Variants in POM121C observed in about 807,000 individuals in gnomAD.
The protein encoded by POM121C is nuclear envelope pore membrane protein POM 121C.
A neutral mutation model predicts 66.4 loss-of-function variants in POM121C; 20 were observed. That is an observed-to-expected ratio of 0.30 (90% CI 0.21 to 0.44). The LOEUF (loss-of-function observed/expected upper bound fraction) is 0.44, where lower values mean the gene tolerates loss of function less well. POM121C is among the 20% of genes least tolerant of loss of function. The pLI is 1.00. For missense variants in POM121C, 580 were observed against 1,225.7 expected (o/e 0.47, Z 7.87); for synonymous variants, 286 against 528.0 (o/e 0.54, Z 6.28).
At chr7:75,460,365 G>A (rs1791403787) in intron 3 of POM121C, among the ~76,000 whole-genome samples, 1 of 152,026 alleles carries the variant, frequency 6.6e-6, no homozygotes, top group South Asian at 2.1e-4. Flanking sequence ...AGCCAGGCAT[G>A]GTGGCACATA....
chr7:75,481,379 A>G (rs1466479323), intron 1 of POM121C, among the ~76,000 whole-genome samples: 15 of 152,052 alleles, frequency 9.9e-5, no homozygotes, highest in African/African-American at 3.6e-4. Context: ...AAGAATCACA[A>G]CTTCTATGTA....
At chr7:75,437,406 G>A in intron 7 of POM121C, 109 bp downstream of exon 7, 1 of 1,422,854 alleles carries the variant, frequency 7.0e-7, no homozygotes, top group African/African-American at 1.4e-5. Context: ...CTCCCGCTTT[G>A]GCCTTCCAAA....
intron 1 of POM121C, among the ~76,000 whole-genome samples, chr7:75,484,642 C>T (rs1792440951): frequency 8.8e-6 from 1 of 113,970 alleles, no homozygotes; most frequent in African/African-American, 3.3e-5. Flanking sequence ...GCATTCCAGA[C>T]TGGGTGAGAG....
In POM121C at chr7:75,422,762, G is replaced by A. The variant is rs1408756135; in HGVS notation, c.1490C>T (p.Thr497Met). 396 of 1,085,628 alleles carry A rather than the reference G, an allele frequency of 3.6e-4. 20 individuals carry two copies. The African/African-American group carries it at 5.0e-3, about 14-fold the overall frequency. The allele number at this position is 1,085,628 out of a possible 1,614,324, so 67.2% of individuals were successfully genotyped here. Residue 497 changes from threonine (T) to methionine (M), a missense_variant, in exon 13 of 15, where the codon ACG becomes ATG. Thr to Met is a moderately conservative substitution (Grantham distance 81). Coordinates refer to ENST00000615331, the MANE Select transcript of POM121C (RefSeq NM_001099415.3). Reference protein sequence around the residue: ...ATAPSSSSLPTTTSTTAPTFQ... With the variant: ...ATAPSSSSLPMTTSTTAPTFQ... ...GGTCGGGGCTGTGGTGCTGGTGGTCGTGGGGAGGGAGGAGCTGGAGGGCGC... is the reference window on the plus strand; with the variant it reads ...GGTCGGGGCTGTGGTGCTGGTGGTCATGGGGAGGGAGGAGCTGGAGGGCGC...
intron 3 of POM121C, among the ~76,000 whole-genome samples, chr7:75,466,137 G>A (rs1343336691): frequency 1.3e-5 from 2 of 149,238 alleles, no homozygotes; most frequent in Non-Finnish European, 3.0e-5. Flanking sequence ...AAAAAAAAAC[G>A]TCAAATCCTG....
intron 7 of POM121C, among the ~76,000 whole-genome samples, chr7:75,428,163 C>T (rs1554471927): frequency 1.3e-5 from 2 of 151,016 alleles, no homozygotes; most frequent in East Asian, 1.9e-4. Context: ...TTTTTTGAGA[C>T]GGAGCCTTGC....
chr7:75,459,629 T>A (rs1189831536), intron 3 of POM121C, among the ~76,000 whole-genome samples: 22 of 137,222 alleles, frequency 1.6e-4, no homozygotes, highest in South Asian at 2.3e-4. Flanking sequence ...AAGAAAGAAA[T>A]GAAGAAAAAT....
At chr7:75,438,703 C>T (rs1296676353) in intron 6 of POM121C, among the ~76,000 whole-genome samples, 1 of 152,220 alleles carries the variant, frequency 6.6e-6, no homozygotes, top group Non-Finnish European at 1.5e-5. Flanking sequence ...CTGGTGGCCA[C>T]ATCACACTGC....
At chr7:75,469,483 G>A (rs1485991055) in intron 3 of POM121C, among the ~76,000 whole-genome samples, 8 of 151,976 alleles carry the variant, frequency 5.3e-5, no homozygotes, top group African/African-American at 1.9e-4. Flanking sequence ...TGTTTTGCCT[G>A]GAGTGCTGCC....
chr7:75,421,288 T>C (rs587606081), intron 13 of POM121C: 6 of 1,285,834 alleles, frequency 4.7e-6, no homozygotes, highest in Admixed American at 5.8e-5. Context: ...CAGCTTACAA[T>C]TGTTAAGTAC....
intron 7 of POM121C, among the ~76,000 whole-genome samples, chr7:75,436,499 G>C (rs1554473038): frequency 6.6e-6 from 1 of 152,162 alleles, no homozygotes; most frequent in East Asian, 1.9e-4. Flanking sequence ...TAATTTAAGA[G>C]GGGTAATGGT....
At chr7:75,474,646 G>C in intron 3 of POM121C, 58 bp downstream of exon 3, 1 of 669,536 alleles carries the variant, frequency 1.5e-6, no homozygotes, top group Middle Eastern at 2.7e-4. Flanking sequence ...CAACTCTTTA[G>C]TCACTCCCAA....
intron 3 of POM121C, among the ~76,000 whole-genome samples, chr7:75,466,736 C>T (rs1422353551): frequency 1.3e-5 from 2 of 151,472 alleles, no homozygotes; most frequent in African/African-American, 2.4e-5. Context: ...AAATCCCTAG[C>T]CAGACTAATC....
intron 3 of POM121C, among the ~76,000 whole-genome samples, chr7:75,450,624 A>C (rs1206179387): frequency 6.6e-6 from 1 of 152,266 alleles, no homozygotes; most frequent in African/African-American, 2.4e-5. Context: ...TCTTATCAAA[A>C]TGTGAGCTGA....
At chr7:75,440,070 G>A (rs587631204) in intron 5 of POM121C, among the ~76,000 whole-genome samples, 3 of 151,074 alleles carry the variant, frequency 2.0e-5, no homozygotes, top group South Asian at 2.1e-4. Flanking sequence ...TAGTAGAGAC[G>A]GGGTTTCACC....
intron 3 of POM121C, chr7:75,442,946 C>T (rs1790719572): frequency 1.0e-5 from 5 of 484,182 alleles, no homozygotes; most frequent in Non-Finnish European, 1.3e-5. Flanking sequence ...GTCCGGGATC[C>T]CATCCGGCTC....
intron 5 of POM121C, among the ~76,000 whole-genome samples, chr7:75,439,633 AC>A (rs1395158293): frequency 2.0e-5 from 3 of 151,844 alleles, no homozygotes; most frequent in Non-Finnish European, 4.4e-5. Flanking sequence ...CGATCCTCCC[AC>A]CTTGGCCTGT....
intron 7 of POM121C, among the ~76,000 whole-genome samples, chr7:75,432,336 T>C (rs1790215947): frequency 6.6e-6 from 1 of 152,148 alleles, no homozygotes; most frequent in South Asian, 2.1e-4. Flanking sequence ...GCAGAATGGA[T>C]AAATTAACTG....
At chr7:75,454,757 C>T (rs750315925) in intron 3 of POM121C, among the ~76,000 whole-genome samples, 29 of 152,374 alleles carry the variant, frequency 1.9e-4, no homozygotes, top group Non-Finnish European at 2.6e-4. Flanking sequence ...CTGCTGATGC[C>T]GGAGGCAGCT....
Sources: allele counts gnomAD v4.1 joint callset (sites outside exome capture counted in the v4.1 genomes callset), GRCh38; gene constraint gnomAD v4.1.1; transcripts MANE v1.5; gene names NCBI Gene and HGNC (gene_info 2026-07-23, HGNC 2026-07-21).